Variants in MED13L observed in about 807,000 individuals in gnomAD.
The protein encoded by MED13L is mediator of RNA polymerase II transcription subunit 13-like.
In MED13L, 7 loss-of-function variants were observed where a neutral mutation model predicts 220.9. The observed-to-expected ratio is 0.03, with a 90% CI of 0.02 to 0.06. The LOEUF is 0.06. MED13L is among the 10% of genes least tolerant of loss of function. The pLI is 1.00. For missense variants in MED13L, 1,965 were observed against 2,760.5 expected (o/e 0.71, Z 6.46); for synonymous variants, 1,011 against 1,015.2 (o/e 1.00, Z 0.08).
chr12:116,147,644 A>C (rs1313858593), intron 2 of MED13L, among the ~76,000 whole-genome samples: 1 of 152,190 alleles, frequency 6.6e-6, no homozygotes, highest in African/African-American at 2.4e-5. Context: ...ACGATATGCT[A>C]AAGATTTCTT....
intron 14 of MED13L, among the ~76,000 whole-genome samples, chr12:116,001,533 T>C (rs1042191426): frequency 6.6e-6 from 1 of 152,190 alleles, no homozygotes; most frequent in South Asian, 2.1e-4. Flanking sequence ...AAAAATCTAT[T>C]GCTGAGATTA....
intron 2 of MED13L, among the ~76,000 whole-genome samples, chr12:116,210,251 T>C (rs908264905): frequency 7.9e-5 from 12 of 152,116 alleles, no homozygotes; most frequent in East Asian, 3.9e-4. Flanking sequence ...AGTGAAATCA[T>C]TGCAGGACGG....
chr12:115,986,809 C>T (rs888050880), intron 18 of MED13L, among the ~76,000 whole-genome samples: 1 of 152,066 alleles, frequency 6.6e-6, no homozygotes, highest in African/African-American at 2.4e-5. Context: ...ATGAAGTAGA[C>T]AGAACTGGCC....
Position 115,982,374 on chromosome 12 carries a change from A to G in MED13L, c.5175+10T>C, listed in dbSNP as rs540492867. 20 of 1,599,222 alleles carry G rather than the reference A, an allele frequency of 1.3e-5. 1 individual carries two copies. The highest frequency in any genetic ancestry group is 2.2e-5 in the South Asian group (2 of 90,768). On this transcript the variant is annotated intron_variant, in intron 22 of 30. Transcript: ENST00000281928. ...CATCAAAAGTAAATAATAAACTTGC[A>G]AACAGTAACCTGGAGAATGAAAGAA...
intron 16 of MED13L, among the ~76,000 whole-genome samples, chr12:115,994,559 G>A (rs762346405): frequency 4.6e-5 from 7 of 152,202 alleles, no homozygotes; most frequent in Non-Finnish European, 1.0e-4. Flanking sequence ...GATGGCAAAT[G>A]AAAGATGTAA....
intron 4 of MED13L, among the ~76,000 whole-genome samples, chr12:116,055,239 G>A (rs1430594131): frequency 6.6e-6 from 1 of 152,104 alleles, no homozygotes; most frequent in Non-Finnish European, 1.5e-5. Flanking sequence ...TAGAAATAAG[G>A]ATGTATACAC....
chr12:116,122,390 A>G (rs1431958195), intron 2 of MED13L, among the ~76,000 whole-genome samples: 1 of 152,200 alleles, frequency 6.6e-6, no homozygotes, highest in East Asian at 1.9e-4. Context: ...TGCTGCCATC[A>G]GTTGCCTGGT....
chr12:116,163,517 A>C (rs1879036825), intron 2 of MED13L, among the ~76,000 whole-genome samples: 1 of 151,994 alleles, frequency 6.6e-6, no homozygotes, highest in Non-Finnish European at 1.5e-5. Context: ...GGTGTGCACC[A>C]CCACACCCAG....
intron 4 of MED13L, among the ~76,000 whole-genome samples, chr12:116,026,247 A>G (rs1880386762): frequency 6.6e-6 from 1 of 152,230 alleles, no homozygotes; most frequent in Non-Finnish European, 1.5e-5. Flanking sequence ...AGGAATTGTT[A>G]TAAAAATTTC....
intron 2 of MED13L, among the ~76,000 whole-genome samples, chr12:116,170,600 T>TTGTTTTTG (rs1879600799): frequency 6.7e-6 from 1 of 148,294 alleles, no homozygotes; most frequent in African/African-American, 2.6e-5. Context: ...ATTTTTACTT[T>TTGTTTTTG]TTTTTTTGTT....
At chr12:116,270,451 T>C (rs1873211451) in intron 1 of MED13L, among the ~76,000 whole-genome samples, 1 of 152,050 alleles carries the variant, frequency 6.6e-6, no homozygotes, top group Non-Finnish European at 1.5e-5. Flanking sequence ...AGCTAGATAA[T>C]CTTAAAGTTC....
At chr12:116,004,638 A>G (rs1005968915) in intron 13 of MED13L, among the ~76,000 whole-genome samples, 4 of 151,994 alleles carry the variant, frequency 2.6e-5, no homozygotes. Flanking sequence ...CCTGAAAGCT[A>G]ATCTAGTTCG....
chr12:116,248,381 G>A (rs1356482828), intron 1 of MED13L, among the ~76,000 whole-genome samples: 2 of 152,130 alleles, frequency 1.3e-5, no homozygotes, highest in Non-Finnish European at 2.9e-5. Flanking sequence ...ATCCCTGACT[G>A]AGAGTTAATC....
intron 30 of MED13L, 81 bp from the exon 31 acceptor site, chr12:115,961,479 T>C: frequency 1.3e-6 from 2 of 1,569,642 alleles, no homozygotes; most frequent in South Asian, 2.2e-5. Flanking sequence ...ATTCCAGATC[T>C]TAGCAGGAAG....
chr12:116,141,854 C>G (rs1164365121), intron 2 of MED13L, among the ~76,000 whole-genome samples: 1 of 152,120 alleles, frequency 6.6e-6, no homozygotes, highest in African/African-American at 2.4e-5. Context: ...CTTCTCAACT[C>G]TGAGAAAGGT....
At chr12:116,211,654 G>A (rs1882707474) in intron 2 of MED13L, among the ~76,000 whole-genome samples, 2 of 152,032 alleles carry the variant, frequency 1.3e-5, no homozygotes, top group Non-Finnish European at 2.9e-5. Context: ...CAAGATAAAC[G>A]TTAAGTGACA....
At chr12:116,022,917 A>G (rs959052893) in intron 4 of MED13L, among the ~76,000 whole-genome samples, 6 of 152,216 alleles carry the variant, frequency 3.9e-5, no homozygotes, top group African/African-American at 1.4e-4. Context: ...ATAGTTTTCT[A>G]TTGTCTCAGT....
At chr12:115,986,672 T>C (rs1367854691) in intron 18 of MED13L, among the ~76,000 whole-genome samples, 183 bp from the exon 19 acceptor site, 1 of 151,932 alleles carries the variant, frequency 6.6e-6, no homozygotes. Flanking sequence ...GACTCTTAAT[T>C]AAGTAAGTCA....
intron 2 of MED13L, among the ~76,000 whole-genome samples, chr12:116,158,432 A>G (rs1357732552): frequency 5.3e-5 from 8 of 152,180 alleles, no homozygotes; most frequent in East Asian, 1.9e-4. Context: ...TTCAGAGCCA[A>G]TCTCAGCGTG....
Sources: gnomAD v4.1 joint callset for allele counts (sites outside exome capture counted in the v4.1 genomes callset) on GRCh38, gnomAD v4.1.1 for gene constraint, MANE v1.5 for transcripts, NCBI Gene and HGNC (gene_info 2026-07-23, HGNC 2026-07-21) for gene names.